SNN: variants seen among roughly 807,000 people sequenced by gnomAD.
SNN encodes the protein stannin.
A neutral mutation model predicts 5.3 loss-of-function variants in SNN; 5 were observed. The ratio of observed to expected loss-of-function variants is 0.94; its 90% CI spans 0.49 to 1.97. The LOEUF (loss-of-function observed/expected upper bound fraction) is 1.97, where lower values mean the gene tolerates loss of function less well. Ranked by LOEUF, SNN falls within the 30% of genes most tolerant of loss-of-function variation. The probability of loss-of-function intolerance (pLI) is 0.01; values close to 1 mark genes in which losing one functional copy is unlikely to be tolerated. For missense variants in SNN, 127 were observed against 121.6 expected (o/e 1.04, Z -0.21); for synonymous variants, 67 against 52.1 (o/e 1.29, Z -1.24).
In SNN at chr16:11,672,822, C is replaced by T. The variant is rs999702104; in HGVS notation, c.-85-3153C>T. On this transcript the variant is annotated intron_variant, in intron 1 of 1. Transcript: ENST00000329565. The surrounding 1 kb of genome is among the most constrained non-coding windows in gnomAD (Gnocchi z 6.0). ...CTTTGAGCTGGGGCCGCCTGTGCCT[C>T]AGTTTCCTCATTAGTCCTGGGGCCA... Among the ~76,000 whole-genome samples the T allele has an allele frequency of 6.6e-6, 1 of 152,090 alleles. No homozygotes were observed. Among genetic ancestry groups the T allele is most frequent in the African/African-American group, 2.4e-5 (1 of 41,380 alleles).
Position 11,668,769 on chromosome 16 carries a change from G to A in SNN, c.-86+229G>A, listed in dbSNP as rs2050245334. 6.6e-6 allele frequency among the ~76,000 whole-genome samples: 1 copy of A among 151,148 alleles called. No homozygotes were observed. The highest frequency in any genetic ancestry group is 6.6e-5 in the Admixed American group (1 of 15,228). ...GTCAGCGGCGCTGCGGCGAGATCCG[G>A]ACAAAGGAGGCGGCGGGGGGCGGAG... On this transcript the variant is annotated intron_variant, in intron 1 of 1. Transcript: ENST00000329565. The surrounding 1 kb of genome is among the most constrained non-coding windows in gnomAD (Gnocchi z 6.8).
intron 1 of SNN, among the ~76,000 whole-genome samples, chr16:11,673,849 G>C (rs556821749): frequency 3.3e-5 from 5 of 152,324 alleles, no homozygotes; most frequent in African/African-American, 9.6e-5. Flanking sequence ...CCTGGCTGCA[G>C]TGGCCCCTGA....
In SNN at chr16:11,677,065, G is replaced by A. The variant is rs2050309616; in HGVS notation, c.*739G>A. The A allele has an allele frequency of 6.0e-6, 1 of 167,186 alleles. No individual in the cohort carries two copies. Among genetic ancestry groups the A allele is most frequent in the African/African-American group, 2.4e-5 (1 of 41,474 alleles). 10.4% of individuals were successfully genotyped at this position (167,186 alleles called of 1,614,324 possible). On this transcript the variant is annotated 3_prime_UTR_variant, in exon 2 of 2. Coordinates refer to ENST00000329565, the MANE Select transcript of SNN (RefSeq NM_003498.6). The surrounding 1 kb of genome is among the most constrained non-coding windows in gnomAD (Gnocchi z 4.2). ...CTGCCTGGGAGCCAGTGAAGGGCGA[G>A]TCAGGGCACGCGTCCTGGAGGCTGC...
chr16:11,673,539 A>G (rs1363462494), intron 1 of SNN, among the ~76,000 whole-genome samples: 1 of 152,178 alleles, frequency 6.6e-6, no homozygotes, highest in African/African-American at 2.4e-5. Flanking sequence ...TGTGCACGAT[A>G]GGTGCCAGCA....
chr16:11,674,287 C>T (rs1303704260), intron 1 of SNN, among the ~76,000 whole-genome samples: 2 of 152,178 alleles, frequency 1.3e-5, no homozygotes. Context: ...CTCACTGACC[C>T]CGGGTGCAGC....
At position 11,672,098 on chromosome 16, in the gene SNN, C is replaced by G. The variant is rs8191290; in HGVS notation, c.-86+3558C>G. The stretch of plus-strand genomic sequence containing the variant: ...AGGGACCCCCCCACCTATGATCCCC[C>G]TGAGAACAGGGTCTCCTCTAACTCA... On this transcript the variant is annotated intron_variant, in intron 1 of 1. Coordinates refer to ENST00000329565, the MANE Select transcript of SNN (RefSeq NM_003498.6). The surrounding 1 kb of genome is among the most constrained non-coding windows in gnomAD (Gnocchi z 6.0). 6.6e-6 allele frequency among the ~76,000 whole-genome samples: 1 copy of G among 151,930 alleles called. No individual in the cohort carries two copies. The highest frequency in any genetic ancestry group is 1.5e-5 in the Non-Finnish European group (1 of 67,978).
In SNN at chr16:11,678,888, G is replaced by T. The variant is rs572417689; in HGVS notation, c.*2562G>T. On this transcript the variant is annotated 3_prime_UTR_variant, in exon 2 of 2. Transcript: ENST00000329565. ...ATAAGAAATTAAGCATTCATCCTTC[G>T]TATCACTGCAGAAGCAACAGTGGGG... 1.3e-5 allele frequency: 4 copies of T among 314,460 alleles called. No homozygotes were observed. Among genetic ancestry groups the T allele is most frequent in the South Asian group, 4.6e-5 (1 of 21,564 alleles). 19.5% of individuals were successfully genotyped at this position (314,460 alleles called of 1,614,324 possible).
chr16:11,672,003 G>A lies in SNN; in HGVS notation c.-86+3463G>A, dbSNP rs1373005363. On this transcript the variant is annotated intron_variant, in intron 1 of 1. Coordinates refer to ENST00000329565, the MANE Select transcript of SNN (RefSeq NM_003498.6). The surrounding 1 kb of genome is among the most constrained non-coding windows in gnomAD (Gnocchi z 6.0). ...GCAGCCTTCTCCCATGCAGTCTGCC[G>A]GCTTTTTTGAGTCTGTTGGGACAGA... 2.0e-5 allele frequency among the ~76,000 whole-genome samples: 3 copies of A among 152,172 alleles called. No individual in the cohort carries two copies. The highest frequency in any genetic ancestry group is 2.9e-5 in the Non-Finnish European group (2 of 68,026).
intron 1 of SNN, among the ~76,000 whole-genome samples, chr16:11,675,152 C>T (rs1213973151): frequency 2.0e-5 from 3 of 152,096 alleles, no homozygotes; most frequent in Non-Finnish European, 4.4e-5. Context: ...GGCTGTTGTC[C>T]AGTACACCCT....
At position 11,678,776 on chromosome 16, in the gene SNN, C is replaced by T; in HGVS notation, c.*2450C>T. 1.6e-5 allele frequency: 3 copies of T among 190,660 alleles called. No homozygotes were observed. Among genetic ancestry groups the T allele is most frequent in the Admixed American group, 5.8e-5 (1 of 17,170 alleles). The allele number at this position is 190,660 out of a possible 1,614,324, so 11.8% of individuals were successfully genotyped here. Reference sequence around the variant, plus strand: ...AATAGCTACTTTTTTTAGCAGACACCAGAGCCACACTCAAATGGCTAAGTA... The same window carrying T: ...AATAGCTACTTTTTTTAGCAGACACTAGAGCCACACTCAAATGGCTAAGTA... On this transcript the variant is annotated 3_prime_UTR_variant, in exon 2 of 2. Coordinates refer to ENST00000329565, the MANE Select transcript of SNN (RefSeq NM_003498.6).
rs560243417 is a variant in SNN, at chr16:11,672,685, G to A, written c.-85-3290G>A. 3.3e-5 allele frequency among the ~76,000 whole-genome samples: 5 copies of A among 152,326 alleles called. No individual in the cohort carries two copies. The South Asian group carries it at 1.0e-3, about 32-fold the overall frequency. ...GGCGTGACTGTGGCTCAGTCACTGG[G>A]CTCTGTGCTCGCGGCGGGGCAGAAC... On this transcript the variant is annotated intron_variant, in intron 1 of 1. Coordinates refer to ENST00000329565, the MANE Select transcript of SNN (RefSeq NM_003498.6). The surrounding 1 kb of genome is among the most constrained non-coding windows in gnomAD (Gnocchi z 6.0).
In SNN at chr16:11,676,384, C is replaced by T; in HGVS notation, c.*58C>T. On this transcript the variant is annotated 3_prime_UTR_variant, in exon 2 of 2. Transcript: ENST00000329565. The stretch of plus-strand genomic sequence containing the variant: ...GCCGGCCAAGAGGCGCTGGGAGGGG[C>T]AAAACCATACGGATGCGCTGCTGTC... The T allele has an allele frequency of 6.4e-7, 1 of 1,554,760 alleles. No individual in the cohort carries two copies. The highest frequency in any genetic ancestry group is 8.7e-7 in the Non-Finnish European group (1 of 1,144,632).
chr16:11,671,164 C>G lies in SNN; in HGVS notation c.-86+2624C>G, dbSNP rs1597388063. Reference sequence around the variant, plus strand: ...GAGTGTGTCCTGTGCTGCAGTTGACCTCCTTTGGGGTTGTTTGAGGATGCT... The same window carrying G: ...GAGTGTGTCCTGTGCTGCAGTTGACGTCCTTTGGGGTTGTTTGAGGATGCT... On this transcript the variant is annotated intron_variant, in intron 1 of 1. Coordinates refer to ENST00000329565, the MANE Select transcript of SNN (RefSeq NM_003498.6). The surrounding 1 kb of genome is among the most constrained non-coding windows in gnomAD (Gnocchi z 4.7). Among the ~76,000 whole-genome samples the G allele has an allele frequency of 6.6e-6, 1 of 152,112 alleles. No individual in the cohort carries two copies. Among genetic ancestry groups the G allele is most frequent in the African/African-American group, 2.4e-5 (1 of 41,404 alleles).
chr16:11,674,370 C>A (rs1343345338), intron 1 of SNN, among the ~76,000 whole-genome samples: 1 of 152,208 alleles, frequency 6.6e-6, no homozygotes, highest in African/African-American at 2.4e-5. Context: ...CTCCAGAGAA[C>A]CTGCCAGCCT....
rs1417147794 is a variant in SNN, at chr16:11,672,795, C to T, written c.-85-3180C>T. ...GGGGTCACCACTCCTCTTAGAGAAT[C>T]CCTTTGAGCTGGGGCCGCCTGTGCC... On this transcript the variant is annotated intron_variant, in intron 1 of 1. Coordinates refer to ENST00000329565, the MANE Select transcript of SNN (RefSeq NM_003498.6). This position sits in a 1 kb window ranked among gnomAD's most constrained non-coding sequence, Gnocchi z 6.0. Among the ~76,000 whole-genome samples the T allele has an allele frequency of 6.6e-6, 1 of 151,812 alleles. No homozygotes were observed. The highest frequency in any genetic ancestry group is 2.4e-5 in the African/African-American group (1 of 41,282).
In SNN at chr16:11,671,060, C is replaced by A. The variant is rs1266497322; in HGVS notation, c.-86+2520C>A. On this transcript the variant is annotated intron_variant, in intron 1 of 1. Coordinates refer to ENST00000329565, the MANE Select transcript of SNN (RefSeq NM_003498.6). This position sits in a 1 kb window ranked among gnomAD's most constrained non-coding sequence, Gnocchi z 4.7. ...GAGGAGTGGCCAAGGGCGGTGCAGG[C>A]CCCCGCTCACCTGGCATGGCTCAGG... is the stretch of plus-strand genomic sequence containing the variant. Among the ~76,000 whole-genome samples, 2 of 152,224 alleles carry A rather than the reference C, an allele frequency of 1.3e-5. No individual in the cohort carries two copies. Among genetic ancestry groups the A allele is most frequent in the Non-Finnish European group, 2.9e-5 (2 of 68,036 alleles).
chr16:11,675,849 C>G (rs1275749865), intron 1 of SNN, 126 bp from the exon 2 acceptor site: 4 of 541,942 alleles, frequency 7.4e-6, no homozygotes, highest in Non-Finnish European at 1.3e-5. Flanking sequence ...GGTGAGCAGA[C>G]GCCTTCGAAC....
chr16:11,669,011 G>A (rs1172964821), intron 1 of SNN, among the ~76,000 whole-genome samples: 1 of 152,128 alleles, frequency 6.6e-6, no homozygotes, highest in Non-Finnish European at 1.5e-5. Flanking sequence ...CGGTTCCGTG[G>A]GCAGCGGCTG....
At chr16:11,673,121 G>T (rs543447152) in intron 1 of SNN, among the ~76,000 whole-genome samples, 1 of 152,154 alleles carries the variant, frequency 6.6e-6, no homozygotes, top group Non-Finnish European at 1.5e-5. Flanking sequence ...GGGCAGGTTG[G>T]TGTTCTTCTT....
Sources: allele counts gnomAD v4.1 joint callset (sites outside exome capture counted in the v4.1 genomes callset), GRCh38; gene constraint gnomAD v4.1.1; non-coding constraint Gnocchi (gnomAD v3.1); transcripts MANE v1.5; gene names NCBI Gene and HGNC (gene_info 2026-07-23, HGNC 2026-07-21).